TTC6: variants seen among roughly 807,000 people sequenced by gnomAD.
The protein encoded by TTC6 is tetratricopeptide repeat domain 6.
In TTC6, 172 loss-of-function variants were observed where a neutral mutation model predicts 210.4. That is an observed-to-expected ratio of 0.82 (90% confidence interval 0.72 to 0.93). The LOEUF (loss-of-function observed/expected upper bound fraction) is 0.93. TTC6 is among the 40% of genes least tolerant of loss of function. The pLI, the probability that TTC6 is intolerant of heterozygous loss-of-function variation, is 0.00. For synonymous variants in TTC6, 804 were observed against 819.6 expected, an observed-to-expected ratio of 0.98 and a Z score of 0.32; for missense variants, 2,414 against 2,318.1, an observed-to-expected ratio of 1.04 and a Z score of -0.85.
intron 2 of TTC6, among the ~76,000 whole-genome samples, chr14:37,608,120 A>G (rs1246419174): frequency 6.6e-6 from 1 of 152,210 alleles, no homozygotes; most frequent in African/African-American, 2.4e-5. Flanking sequence ...TCTACTTCTC[A>G]TCTACAGAAT....
At chr14:37,833,810 T>G (rs2096191617) in intron 29 of TTC6, among the ~76,000 whole-genome samples, 1 of 152,206 alleles carries the variant, frequency 6.6e-6, no homozygotes, top group Admixed American at 6.5e-5. Context: ...TTTTTTATGA[T>G]GGTGGATATT....
At chr14:37,627,310 A>T (rs374037333) in intron 1 of TTC6, among the ~76,000 whole-genome samples, 2 of 151,474 alleles carry the variant, frequency 1.3e-5, no homozygotes, top group South Asian at 4.2e-4. Flanking sequence ...ATTGTATTAA[A>T]TCTTTTATTT....
At chr14:37,665,026 A>T (rs2095745078) in intron 1 of TTC6, among the ~76,000 whole-genome samples, 1 of 150,700 alleles carries the variant, frequency 6.6e-6, no homozygotes, top group Non-Finnish European at 1.5e-5. Flanking sequence ...GTGGAGAAAA[A>T]GCAATACTTT....
chr14:37,738,814 C>A, exon 10 of TTC6: 1 of 1,528,594 alleles, frequency 6.5e-7, no homozygotes, highest in South Asian at 1.2e-5. Context: ...AGGAGAAGAT[C>A]ATAGCTCCTT....
chr14:37,696,748 GA>G lies in TTC6; in HGVS notation c.1293del (p.Glu432LysfsTer11). On this transcript the variant is annotated frameshift_variant, in exon 4 of 31. Coordinates refer to ENST00000553443, the Ensembl canonical transcript of TTC6. LOFTEE classifies it high-confidence loss of function. The stretch of plus-strand genomic sequence containing the variant: ...TCACCAGAATTCTTGCAAATCGAAG[GA>G]AAAGAAATTAAGCGAATGCGGAAAC... 6.8e-7 allele frequency: 1 copy of G among 1,468,424 alleles called. No individual in the cohort carries two copies. Among genetic ancestry groups the G allele is most frequent in the Admixed American group, 2.3e-5 (1 of 43,576 alleles). 91.0% of individuals were successfully genotyped at this position (1,468,424 alleles called of 1,614,324 possible).
intron 24 of TTC6, among the ~76,000 whole-genome samples, chr14:37,810,184 T>G (rs1384340732): frequency 6.6e-6 from 1 of 152,158 alleles, no homozygotes; most frequent in Non-Finnish European, 1.5e-5. Flanking sequence ...ACAAGGGGAT[T>G]GTTAAGATGC....
intron 6 of TTC6, 145 bp from the exon 9 acceptor site, chr14:37,724,753 C>A: frequency 2.1e-6 from 1 of 471,798 alleles, no homozygotes; most frequent in Admixed American, 3.7e-5. Context: ...AACCTGATGG[C>A]TGTAAAAAAA....
intron 20 of TTC6, chr14:37,802,420 G>A (rs985828046): frequency 6.6e-6 from 1 of 151,934 alleles, no homozygotes; most frequent in African/African-American, 2.4e-5. Flanking sequence ...ATGAAACTGG[G>A]GCTGTCAGTC....
intron 14 of TTC6, among the ~76,000 whole-genome samples, chr14:37,759,001 G>T (rs2095975941): frequency 6.6e-6 from 1 of 152,012 alleles, no homozygotes; most frequent in African/African-American, 2.4e-5. Context: ...TGCTGGGTGT[G>T]GTGGCTCACG....
At chr14:37,601,591 G>A (rs1004233018) in intron 1 of TTC6, among the ~76,000 whole-genome samples, 1 of 152,234 alleles carries the variant, frequency 6.6e-6, no homozygotes, top group Non-Finnish European at 1.5e-5. Flanking sequence ...CCGATGGACT[G>A]AGTGAAGAAT....
chr14:37,780,054 G>A (rs2096049885), intron 14 of TTC6, among the ~76,000 whole-genome samples: 1 of 152,112 alleles, frequency 6.6e-6, no homozygotes, highest in African/African-American at 2.4e-5. Context: ...CTGTTTGAAT[G>A]AATGAATGAA....
chr14:37,801,616 T>TGACTTCTTATGGA (rs2096106750), intron 20 of TTC6, among the ~76,000 whole-genome samples: 1 of 152,148 alleles, frequency 6.6e-6, no homozygotes. Context: ...GGCCTTGTTG[T>TGACTTCTTATGGA]GACTTCTTAT....
At chr14:37,694,845 C>T (rs1566893336) in intron 3 of TTC6, among the ~76,000 whole-genome samples, 1 of 150,524 alleles carries the variant, frequency 6.6e-6, no homozygotes. Flanking sequence ...AGTTTGAGAC[C>T]AGACTGGAAA....
intron 6 of TTC6, among the ~76,000 whole-genome samples, chr14:37,720,866 A>G (rs770527274): frequency 1.3e-5 from 2 of 152,128 alleles, no homozygotes; most frequent in Non-Finnish European, 2.9e-5. Context: ...AAAGGACAAG[A>G]TGGATCACTT....
intron 1 of TTC6, among the ~76,000 whole-genome samples, chr14:37,597,797 T>A (rs1011241677): frequency 2.0e-5 from 3 of 152,096 alleles, no homozygotes; most frequent in Non-Finnish European, 4.4e-5. Context: ...CGCCAGGCGA[T>A]ACTGGATTGA....
At chr14:37,816,125 A>G (rs1365173491) in intron 25 of TTC6, among the ~76,000 whole-genome samples, 2 of 151,854 alleles carry the variant, frequency 1.3e-5, no homozygotes, top group African/African-American at 2.4e-5. Flanking sequence ...TCAGACAATA[A>G]TTAAAAAAAT....
At chr14:37,647,555 G>A (rs764937407) in intron 1 of TTC6, among the ~76,000 whole-genome samples, 25 of 152,170 alleles carry the variant, frequency 1.6e-4, no homozygotes, top group Non-Finnish European at 2.8e-4. Context: ...CTGAGATGGT[G>A]AAGATCAAGG....
At chr14:37,631,695 C>T (rs779890912) in intron 1 of TTC6, among the ~76,000 whole-genome samples, 1 of 152,152 alleles carries the variant, frequency 6.6e-6, no homozygotes, top group South Asian at 2.1e-4. Context: ...TGGATAATAT[C>T]GTGAAGAGTG....
At chr14:37,752,875 G>C (rs945174807) in intron 13 of TTC6, among the ~76,000 whole-genome samples, 1 of 151,114 alleles carries the variant, frequency 6.6e-6, no homozygotes, top group African/African-American at 2.4e-5. Flanking sequence ...TGTATATGCC[G>C]GTTTTTTTTT....
Sources: gnomAD v4.1 joint callset for allele counts (sites outside exome capture counted in the v4.1 genomes callset) on GRCh38, gnomAD v4.1.1 for gene constraint, MANE v1.5 for transcripts, NCBI Gene and HGNC (gene_info 2026-07-23, HGNC 2026-07-21) for gene names.